The following TACC2 variants were observed in gnomAD, a reference collection of about 807,000 sequenced individuals.
TACC2 encodes transforming acidic coiled-coil-containing protein 2.
A neutral mutation model predicts 227.3 loss-of-function variants in TACC2; 137 were observed. The observed-to-expected ratio is 0.60, with a 90% confidence interval of 0.52 to 0.69. TACC2 has a LOEUF of 0.69. Ranked by LOEUF, TACC2 falls within the 30% of genes least tolerant of loss-of-function variation. The pLI is 0.00. For missense variants in TACC2, 3,470 were observed against 3,694.4 expected, an observed-to-expected ratio of 0.94 and a Z score of 1.57; for synonymous variants, 1,523 against 1,487.5, an observed-to-expected ratio of 1.02 and a Z score of -0.55.
In TACC2 at chr10:122,222,296, A is replaced by G. The variant is rs529195657; in HGVS notation, c.7547-2430A>G. Reference sequence around the variant, plus strand: ...AAGATGTTTTCTCAAAATAGCAGAGATCACCCAAGATGACAGGAGGAAGTA... The same window carrying G: ...AAGATGTTTTCTCAAAATAGCAGAGGTCACCCAAGATGACAGGAGGAAGTA... On this transcript the variant is annotated intron_variant, in intron 11 of 22. Transcript: ENST00000369005. 9.2e-5 allele frequency among the ~76,000 whole-genome samples: 14 copies of G among 152,338 alleles called. No homozygotes were observed. The East Asian group carries it at 2.3e-3, about 25-fold the overall frequency.
rs367682397 is a variant in TACC2 at position 122,209,687 on chromosome 10, AT to A, written c.5972-708del. On this transcript the variant is annotated intron_variant, in intron 8 of 22. Transcript: ENST00000369005. The surrounding 1 kb of genome is among the most constrained non-coding windows in gnomAD (Gnocchi z 4.5). ...TGTATCACCCTCTGAAATTCTGTAC[AT>A]TGTTTGTTTGTTTTTGAGACAGAGT... Among the ~76,000 whole-genome samples the A allele has an allele frequency of 1.6e-4, 25 of 151,930 alleles. No homozygotes were observed. The highest frequency in any genetic ancestry group is 5.6e-4 in the African/African-American group (23 of 41,426).
chr10:122,033,980 C>T (rs982709940), intron 2 of TACC2, among the ~76,000 whole-genome samples: 2 of 151,896 alleles, frequency 1.3e-5, no homozygotes, highest in African/African-American at 2.4e-5. Flanking sequence ...GGTAAAACCC[C>T]GTCTCTACTA....
chr10:122,120,194 C>A (rs2085467562), intron 5 of TACC2, among the ~76,000 whole-genome samples: 1 of 152,150 alleles, frequency 6.6e-6, no homozygotes, highest in South Asian at 2.1e-4. Flanking sequence ...GCAGGTCACC[C>A]CCTGCCTCCC....
intron 2 of TACC2, among the ~76,000 whole-genome samples, chr10:122,033,825 A>T (rs148593828): frequency 3.5e-4 from 54 of 152,228 alleles, no homozygotes; most frequent in Non-Finnish European, 6.2e-4. Flanking sequence ...ACACCTGGCC[A>T]GGCGTGGCAG....
intron 9 of TACC2, among the ~76,000 whole-genome samples, chr10:122,212,239 C>G (rs1461093422): frequency 6.6e-6 from 1 of 152,242 alleles, no homozygotes; most frequent in Non-Finnish European, 1.5e-5. Context: ...TGCACTCCAA[C>G]CAGCCCGTAA....
chr10:122,076,684 C>T (rs2078849919), intron 3 of TACC2, among the ~76,000 whole-genome samples: 1 of 151,608 alleles, frequency 6.6e-6, no homozygotes, highest in Non-Finnish European at 1.5e-5. Context: ...AGAAGTGCTG[C>T]CTTAACTTTG....
At chr10:122,052,022 G>A (rs1395459481) in intron 3 of TACC2, 2 of 152,076 alleles carry the variant, frequency 1.3e-5, no homozygotes, top group East Asian at 3.9e-4. Context: ...TGCTAAAGAT[G>A]GTGCTTCCTC....
intron 3 of TACC2, among the ~76,000 whole-genome samples, chr10:122,056,950 G>C (rs1591530259): frequency 6.6e-6 from 1 of 152,320 alleles, no homozygotes; most frequent in East Asian, 1.9e-4. Flanking sequence ...CCAGCACTTT[G>C]GGAGGCCAAG....
chr10:122,057,247 T>C (rs916696556), intron 3 of TACC2, among the ~76,000 whole-genome samples: 8 of 151,838 alleles, frequency 5.3e-5, no homozygotes, highest in African/African-American at 1.7e-4. Context: ...GCCAGGAAAG[T>C]GTTCTGAAGA....
chr10:122,235,840 A>AT (rs2095848069), intron 16 of TACC2, among the ~76,000 whole-genome samples: 1 of 152,024 alleles, frequency 6.6e-6, no homozygotes, highest in African/African-American at 2.4e-5. Flanking sequence ...CTGTTCTCAC[A>AT]TGAGCGAGTC....
chr10:122,230,898 C>T (rs1456629895), intron 16 of TACC2, among the ~76,000 whole-genome samples: 1 of 152,084 alleles, frequency 6.6e-6, no homozygotes, highest in East Asian at 1.9e-4. Context: ...TGAGACAAGG[C>T]CCTAATCAAT....
At chr10:122,250,082 C>T (rs112201361) in intron 22 of TACC2, among the ~76,000 whole-genome samples, 1,764 of 152,316 alleles carry the variant, frequency 0.012, 12 homozygotes, top group Middle Eastern at 0.024. Flanking sequence ...GCTGGAAGGG[C>T]GCCCAGGTGG....
chr10:122,227,619 G>A (rs1229469938), intron 13 of TACC2, among the ~76,000 whole-genome samples: 2 of 152,212 alleles, frequency 1.3e-5, no homozygotes, highest in Non-Finnish European at 2.9e-5. Context: ...CAGAGCTCGG[G>A]TCTGTAGCCA....
intron 2 of TACC2, among the ~76,000 whole-genome samples, chr10:122,037,855 TAGAG>T (rs1376904203): frequency 4.6e-5 from 7 of 152,150 alleles, no homozygotes; most frequent in Non-Finnish European, 1.0e-4. Context: ...CCTGGGATAA[TAGAG>T]AGCAAGAAGC....
chr10:122,082,859 G>C lies in TACC2; in HGVS notation c.359G>C (p.Gly120Ala). The change falls in exon 4 of 23, where the codon GGT (glycine) becomes GCT (alanine). Residue 120 changes from glycine (G) to alanine (A), a missense_variant. By Grantham distance (60) the Gly-to-Ala change is moderately conservative. Around this residue, in one of 10 missense-constraint regions of TACC2, gnomAD observed 405 missense variants for 389.6 expected, o/e 1.04. Transcript: ENST00000369005. Reference sequence around the variant, plus strand: ...CCCTTTGCCGAGTGTCCCCCGGAAGGTTGCTTGGCAAGTCCAGCAGCGGCA... The same window carrying C: ...CCCTTTGCCGAGTGTCCCCCGGAAGCTTGCTTGGCAAGTCCAGCAGCGGCA... ...SMPFAECPPE[G>A]CLASPAAAPE... 1 of 1,613,500 alleles carries C rather than the reference G, an allele frequency of 6.2e-7. No homozygotes were observed.
intron 16 of TACC2, among the ~76,000 whole-genome samples, chr10:122,234,652 G>A (rs529938352): frequency 7.2e-4 from 109 of 152,278 alleles, no homozygotes; most frequent in African/African-American, 2.3e-3. Flanking sequence ...CCAGGTGGCC[G>A]GGATGAAGGG....
intron 1 of TACC2, among the ~76,000 whole-genome samples, chr10:122,006,033 C>T (rs1475096720): frequency 1.3e-5 from 2 of 152,188 alleles, no homozygotes; most frequent in Non-Finnish European, 2.9e-5. Flanking sequence ...AGCCTTGATA[C>T]ATGAAGAACA....
intron 1 of TACC2, among the ~76,000 whole-genome samples, chr10:121,989,753 T>TG (rs201437992): frequency 0.028 from 2,903 of 104,660 alleles, 78 homozygotes; most frequent in African/African-American, 0.073. Context: ...AAATTAATTT[T>TG]ATTTTTTTTT....
At chr10:121,996,002 T>C (rs1295425776) in intron 1 of TACC2, among the ~76,000 whole-genome samples, 1 of 152,188 alleles carries the variant, frequency 6.6e-6, no homozygotes, top group Non-Finnish European at 1.5e-5. Context: ...TCTGCCCGCC[T>C]TGGACTCCCA....
Sources: gnomAD v4.1 joint callset for allele counts (sites outside exome capture counted in the v4.1 genomes callset) on GRCh38, gnomAD v4.1.1 for gene constraint, gnomAD v4.1.1 regional missense constraint, Gnocchi (gnomAD v3.1) non-coding constraint, MANE v1.5 for transcripts, NCBI Gene and HGNC (gene_info 2026-07-23, HGNC 2026-07-21) for gene names.